ACYP2: variants seen among roughly 807,000 people sequenced by gnomAD.
ACYP2 encodes acylphosphatase 2.
ACYP2 carries 12 observed loss-of-function variants against 11.2 expected under a neutral mutation model. The observed-to-expected ratio is 1.08, with a 90% CI of 0.69 to 1.74. The LOEUF (loss-of-function observed/expected upper bound fraction) is 1.74. Ranked by LOEUF, ACYP2 falls within the 40% of genes most tolerant of loss-of-function variation. The probability of loss-of-function intolerance (pLI) is 0.00; values close to 1 mark genes in which losing one functional copy is unlikely to be tolerated. For missense variants in ACYP2, 134 were observed against 101.9 expected (o/e 1.31, Z -1.35); for synonymous variants, 43 against 32.2 (o/e 1.33, Z -1.13).
chr2:53,993,223 C>A (rs1451281698), intron 2 of ACYP2, among the ~76,000 whole-genome samples: 3 of 151,954 alleles, frequency 2.0e-5, no homozygotes, highest in African/African-American at 7.3e-5. Flanking sequence ...CTTTGTTTCG[C>A]TTTCTCAGAT....
chr2:54,181,423 G>A (rs1214965466), intron 6 of ACYP2, among the ~76,000 whole-genome samples: 1 of 152,144 alleles, frequency 6.6e-6, no homozygotes. Context: ...TAACCTTGCT[G>A]AACACCATGA....
chr2:54,118,773 C>T (rs1377560318), intron 4 of ACYP2, among the ~76,000 whole-genome samples: 2 of 152,112 alleles, frequency 1.3e-5, no homozygotes, highest in Non-Finnish European at 2.9e-5. Flanking sequence ...TTGCAGTATG[C>T]TAAATGGAAG....
chr2:53,972,063 A>C (rs1671163190), intron 1 of ACYP2, among the ~76,000 whole-genome samples: 1 of 152,100 alleles, frequency 6.6e-6, no homozygotes, highest in Non-Finnish European at 1.5e-5. Flanking sequence ...TAATCCCAGC[A>C]CTTTGGGAGG....
chr2:54,157,936 GCA>G (rs1325852849), intron 6 of ACYP2, among the ~76,000 whole-genome samples: 5 of 152,228 alleles, frequency 3.3e-5, no homozygotes. Flanking sequence ...TCTGCCTGGT[GCA>G]GGCATTATGG....
At chr2:54,095,481 C>A (rs1191992502) in intron 4 of ACYP2, among the ~76,000 whole-genome samples, 4 of 151,254 alleles carry the variant, frequency 2.6e-5, no homozygotes, top group Non-Finnish European at 5.9e-5. Context: ...GCGCCCCTCA[C>A]CTCCCGGACG....
At chr2:54,301,686 C>T (rs534750864) in intron 6 of ACYP2, among the ~76,000 whole-genome samples, 3 of 151,818 alleles carry the variant, frequency 2.0e-5, no homozygotes, top group Admixed American at 6.6e-5. Context: ...TACATATACA[C>T]GTACATACAT....
At chr2:54,281,772 T>C (rs1292393299) in intron 6 of ACYP2, among the ~76,000 whole-genome samples, 2 of 152,222 alleles carry the variant, frequency 1.3e-5, no homozygotes, top group Non-Finnish European at 2.9e-5. Context: ...TAAATACAGA[T>C]TGTAGCAACA....
intron 6 of ACYP2, chr2:54,255,395 C>T (rs562154632): frequency 6.2e-7 from 1 of 1,614,076 alleles, no homozygotes; most frequent in Non-Finnish European, 8.5e-7. Context: ...AAAGCAGTGA[C>T]CCAGAAGCCC....
intron 4 of ACYP2, chr2:54,080,216 C>T (rs1677569908): frequency 1.9e-5 from 3 of 154,180 alleles, no homozygotes; most frequent in African/African-American, 7.2e-5. Context: ...TAGCCTTATC[C>T]GTAGGCTGCA....
chr2:53,993,805 A>G (rs1049348610), intron 2 of ACYP2, among the ~76,000 whole-genome samples: 21 of 152,226 alleles, frequency 1.4e-4, no homozygotes, highest in African/African-American at 4.8e-4. Context: ...GGGTTGTGGA[A>G]AAGACGTGGA....
intron 4 of ACYP2, among the ~76,000 whole-genome samples, chr2:54,135,022 G>C (rs999526925): frequency 1.3e-5 from 2 of 152,150 alleles, no homozygotes; most frequent in African/African-American, 4.8e-5. Flanking sequence ...TTTTCACTTA[G>C]AGGAAGCACT....
chr2:54,206,593 C>G (rs1685077066), intron 6 of ACYP2, among the ~76,000 whole-genome samples: 1 of 152,174 alleles, frequency 6.6e-6, no homozygotes, highest in African/African-American at 2.4e-5. Context: ...TGATGATATC[C>G]TTTATTTATG....
intron 6 of ACYP2, among the ~76,000 whole-genome samples, chr2:54,222,417 G>T (rs1004698338): frequency 6.6e-6 from 1 of 151,982 alleles, no homozygotes; most frequent in Non-Finnish European, 1.5e-5. Context: ...AGTTGTGGTG[G>T]CACATGCCTG....
chr2:54,181,408 T>A (rs1479010155), intron 6 of ACYP2, among the ~76,000 whole-genome samples: 1 of 152,100 alleles, frequency 6.6e-6, no homozygotes, highest in Non-Finnish European at 1.5e-5. Context: ...CTTGTATAAG[T>A]TTCTTAACCT....
intron 2 of ACYP2, among the ~76,000 whole-genome samples, chr2:54,004,346 A>G (rs1672946826): frequency 6.8e-6 from 1 of 146,054 alleles, no homozygotes; most frequent in African/African-American, 2.6e-5. Flanking sequence ...ATCTTTTCAT[A>G]TCCTTACCTG....
intron 2 of ACYP2, among the ~76,000 whole-genome samples, chr2:54,017,743 T>A (rs1673777928): frequency 6.6e-6 from 1 of 152,168 alleles, no homozygotes; most frequent in South Asian, 2.1e-4. Flanking sequence ...TCCTTGATCT[T>A]TTGCTGAGTG....
intron 4 of ACYP2, among the ~76,000 whole-genome samples, chr2:54,115,190 C>T (rs952572949): frequency 6.6e-6 from 1 of 152,078 alleles, no homozygotes; most frequent in African/African-American, 2.4e-5. Flanking sequence ...TAAATGTTCT[C>T]TTCATTAAAA....
intron 6 of ACYP2, among the ~76,000 whole-genome samples, chr2:54,174,858 C>A (rs1034465933): frequency 4.0e-4 from 61 of 152,194 alleles, no homozygotes; most frequent in Admixed American, 2.6e-4. Flanking sequence ...ACCAGCCAGC[C>A]TTGCATCCCA....
intron 6 of ACYP2, among the ~76,000 whole-genome samples, chr2:54,154,332 A>C (rs533911413): frequency 4.6e-5 from 7 of 152,318 alleles, no homozygotes; most frequent in African/African-American, 1.7e-4. Flanking sequence ...ATTAAATAGA[A>C]ATGATGAGAG....
Sources: allele counts gnomAD v4.1 joint callset (sites outside exome capture counted in the v4.1 genomes callset), GRCh38; gene constraint gnomAD v4.1.1; transcripts MANE v1.5; gene names NCBI Gene and HGNC (gene_info 2026-07-23, HGNC 2026-07-21).